TMEM232: variants seen among roughly 807,000 people sequenced by gnomAD.
TMEM232 encodes transmembrane protein 232.
A neutral mutation model predicts 78.8 loss-of-function variants in TMEM232; 80 were observed. That is an observed-to-expected ratio of 1.01 (90% CI 0.85 to 1.22). The LOEUF (loss-of-function observed/expected upper bound fraction) is 1.22. Among genes scored for constraint, TMEM232 ranks in the 50% most tolerant of loss-of-function variants. The probability of loss-of-function intolerance (pLI) is 0.00; values close to 1 mark genes in which losing one functional copy is unlikely to be tolerated. For synonymous variants in TMEM232, 297 were observed against 254.3 expected (o/e 1.17, Z -1.60); for missense variants, 881 against 742.2 (o/e 1.19, Z -2.17).
chr5:110,679,184 G>A (rs1056789997), intron 1 of TMEM232, among the ~76,000 whole-genome samples: 22 of 152,242 alleles, frequency 1.4e-4, no homozygotes, highest in Middle Eastern at 6.8e-3. Context: ...GTCCTTGCCC[G>A]GACGTGGTGT....
intron 12 of TMEM232, among the ~76,000 whole-genome samples, chr5:110,524,805 T>G (rs988512239): frequency 6.6e-6 from 1 of 152,204 alleles, no homozygotes; most frequent in South Asian, 2.1e-4. Context: ...AATATTGATT[T>G]ATATATTTAG....
At chr5:110,485,527 T>C (rs2149405052) in intron 12 of TMEM232, among the ~76,000 whole-genome samples, 1 of 152,248 alleles carries the variant, frequency 6.6e-6, no homozygotes, top group South Asian at 2.1e-4. Context: ...CCTCATAGCT[T>C]AGCTCCCACA....
intron 8 of TMEM232, among the ~76,000 whole-genome samples, chr5:110,610,240 A>AAGGGAGGAAGGGAGGAAGGGAGGAAGGG (rs143271786): frequency 1.4e-5 from 1 of 70,122 alleles, no homozygotes; most frequent in Non-Finnish European, 2.4e-5. Flanking sequence ...AAAAGAAAGG[A>AAGGGAGGAAGGGAGGAAGGGAGGAAGGG]AGGAAGGGAG....
intron 8 of TMEM232, 27 bp from the exon 9 acceptor site, chr5:110,606,314 A>C: frequency 6.7e-7 from 1 of 1,499,896 alleles, no homozygotes; most frequent in Non-Finnish European, 8.9e-7. Flanking sequence ...CGAAAGGATA[A>C]AGATTTTAAT....
At chr5:110,531,450 A>G (rs966943902) in intron 11 of TMEM232, among the ~76,000 whole-genome samples, 11 of 152,148 alleles carry the variant, frequency 7.2e-5, no homozygotes, top group Admixed American at 6.5e-5. Context: ...CCAGCCCAAG[A>G]AACATCTCAC....
chr5:110,423,459 A>C lies in TMEM232; in HGVS notation c.1797+1364T>G, dbSNP rs548913038. ...AGTGATATATACATGAATACTGAAA[A>C]AAATAAATATAATATTTAGAGACAA... On this transcript the variant is annotated intron_variant, in intron 13 of 13. Transcript: ENST00000455884. Among the ~76,000 whole-genome samples, 6 of 152,334 alleles carry C rather than the reference A, an allele frequency of 3.9e-5. No homozygotes were observed. The South Asian group carries it at 8.3e-4, about 21-fold the overall frequency.
At chr5:110,666,925 T>A (rs895070015) in intron 2 of TMEM232, 1 of 193,286 alleles carries the variant, frequency 5.2e-6, no homozygotes, top group African/African-American at 2.4e-5. Context: ...ATAGCAAAGG[T>A]CTTAGAACTA....
At chr5:110,700,770 G>GTAGGTAGA (rs1795329906) in intron 1 of TMEM232, among the ~76,000 whole-genome samples, 1 of 131,154 alleles carries the variant, frequency 7.6e-6, no homozygotes, top group Non-Finnish European at 1.7e-5. Flanking sequence ...AGGTAGGTAG[G>GTAGGTAGA]TAGATAGATA....
At position 110,660,175 on chromosome 5, in the gene TMEM232, T is replaced by C. The variant is rs191262285; in HGVS notation, c.125+7053A>G. 6.6e-5 allele frequency among the ~76,000 whole-genome samples: 10 copies of C among 152,108 alleles called. No homozygotes were observed. The East Asian group carries it at 1.9e-3, about 29-fold the overall frequency. On this transcript the variant is annotated intron_variant, in intron 2 of 13. Transcript: ENST00000455884. Reference sequence around the variant, plus strand: ...AATAAGAAACTTAAAATTACCAGGTTTGGGAGAAGGAAGCCAAAATAATCT... The same window carrying C: ...AATAAGAAACTTAAAATTACCAGGTCTGGGAGAAGGAAGCCAAAATAATCT...
intron 12 of TMEM232, among the ~76,000 whole-genome samples, chr5:110,515,917 A>C (rs771167439): frequency 2.6e-5 from 4 of 152,158 alleles, no homozygotes; most frequent in Non-Finnish European, 5.9e-5. Flanking sequence ...GCTTTCTTCC[A>C]GGTGCTAGTT....
At chr5:110,504,634 C>T (rs73784779) in intron 12 of TMEM232, among the ~76,000 whole-genome samples, 4,463 of 152,274 alleles carry the variant, frequency 0.029, 76 homozygotes, top group African/African-American at 0.048. Flanking sequence ...TGTTTCAATT[C>T]GAGTCTGAAG....
chr5:110,432,356 A>C (rs1757950258), intron 12 of TMEM232, among the ~76,000 whole-genome samples: 1 of 151,748 alleles, frequency 6.6e-6, no homozygotes, highest in Non-Finnish European at 1.5e-5. Context: ...AATAAATGCC[A>C]GTAAAGAATT....
At chr5:110,474,114 C>A (rs1254987337) in intron 12 of TMEM232, among the ~76,000 whole-genome samples, 2 of 151,554 alleles carry the variant, frequency 1.3e-5, no homozygotes, top group Non-Finnish European at 3.0e-5. Context: ...ATACATTGTA[C>A]ATTTCAAAAT....
intron 12 of TMEM232, among the ~76,000 whole-genome samples, chr5:110,500,006 T>A (rs1307953074): frequency 6.6e-6 from 1 of 152,046 alleles, no homozygotes; most frequent in Non-Finnish European, 1.5e-5. Context: ...AAGGTTTAAT[T>A]ATTGGCCAGG....
At chr5:110,550,166 A>C (rs950212062) in intron 11 of TMEM232, among the ~76,000 whole-genome samples, 1 of 152,206 alleles carries the variant, frequency 6.6e-6, no homozygotes, top group African/African-American at 2.4e-5. Context: ...CAAACAATAT[A>C]GTTTACAACA....
intron 1 of TMEM232, among the ~76,000 whole-genome samples, chr5:110,705,195 A>G (rs1350912428): frequency 6.6e-6 from 1 of 152,148 alleles, no homozygotes; most frequent in Non-Finnish European, 1.5e-5. Context: ...CAATGGCAAT[A>G]ACATATTTGC....
intron 11 of TMEM232, among the ~76,000 whole-genome samples, chr5:110,560,928 G>A (rs1775667373): frequency 6.6e-6 from 1 of 151,974 alleles, no homozygotes; most frequent in Non-Finnish European, 1.5e-5. Flanking sequence ...TTTTATTTGT[G>A]CATGTGTATT....
intron 10 of TMEM232, among the ~76,000 whole-genome samples, chr5:110,571,800 G>C (rs1221474548): frequency 6.6e-6 from 1 of 151,842 alleles, no homozygotes; most frequent in African/African-American, 2.4e-5. Context: ...TGAGGCTACA[G>C]TGAGCTATGG....
intron 12 of TMEM232, among the ~76,000 whole-genome samples, chr5:110,486,001 A>G (rs1764423413): frequency 6.6e-6 from 1 of 150,932 alleles, no homozygotes. Context: ...TTTTTTTTTT[A>G]TTATGGCCAT....
Sources: allele counts gnomAD v4.1 joint callset (sites outside exome capture counted in the v4.1 genomes callset), GRCh38; gene constraint gnomAD v4.1.1; transcripts MANE v1.5; gene names NCBI Gene and HGNC (gene_info 2026-07-23, HGNC 2026-07-21).